The following RNF216 variants were observed in gnomAD, a reference collection of about 807,000 sequenced individuals.
RNF216 encodes E3 ubiquitin-protein ligase RNF216.
Under a neutral mutation model 110.8 loss-of-function variants are expected in RNF216, and 72 were observed. The observed-to-expected ratio is 0.65, with a 90% CI of 0.54 to 0.79. RNF216 has a LOEUF of 0.79. Ranked by LOEUF, RNF216 falls within the 30% of genes least tolerant of loss-of-function variation. The pLI is 0.00. For missense variants in RNF216, 1,342 were observed against 1,141.2 expected, an observed-to-expected ratio of 1.18 and a Z score of -2.54; for synonymous variants, 495 against 407.5, an observed-to-expected ratio of 1.21 and a Z score of -2.59.
chr7:5,741,375 C>T lies in RNF216; in HGVS notation c.642G>A (p.Glu214=). 1 of 1,614,164 alleles carries T rather than the reference C, an allele frequency of 6.2e-7. No individual in the cohort carries two copies. Among genetic ancestry groups the T allele is most frequent in the Non-Finnish European group, 8.5e-7 (1 of 1,180,016 alleles). The change falls in exon 4 of 17, where the codon GAG becomes GAA. Residue 214 remains glutamate, a synonymous_variant. Coordinates refer to ENST00000389902, the MANE Select transcript of RNF216 (RefSeq NM_207111.4). ...SETELLSNLG[E]SAALADDQAI... ...CCTGATCATCTGCTAGAGCAGCTGA[C>T]TCTCCTAGATTTGATAACAGCTCTG...
At chr7:5,706,713 C>T (rs1043467055) in intron 13 of RNF216, among the ~76,000 whole-genome samples, 3 of 152,208 alleles carry the variant, frequency 2.0e-5, no homozygotes, top group Admixed American at 2.0e-4. Flanking sequence ...CAAAGGATTT[C>T]AATTCCTTTC....
chr7:5,776,619 A>G lies in RNF216; in HGVS notation c.-70+4922T>C, dbSNP rs1477731659. On this transcript the variant is annotated intron_variant, in intron 1 of 16. Transcript: ENST00000389902. ...CAAAAAAAAAAAAAAAAAAAAGACT[A>G]TAGGGGAAGGGCAGGTAGTCAGTGA... Among the ~76,000 whole-genome samples the G allele has an allele frequency of 2.8e-5, 4 of 143,424 alleles. No individual in the cohort carries two copies. In the East Asian group the frequency reaches 8.5e-4, roughly 30 times the overall value. The allele number at this position is 143,424 out of a possible 152,430, so 94.1% of individuals were successfully genotyped here. A position where few individuals can be genotyped will look rare whatever the true frequency, so the allele number is the denominator to read the frequency against.
chr7:5,776,383 A>G (rs1796774996), intron 1 of RNF216, among the ~76,000 whole-genome samples: 1 of 151,520 alleles, frequency 6.6e-6, no homozygotes, highest in African/African-American at 2.4e-5. Flanking sequence ...GGAGACGGAG[A>G]CCATCCTGGC....
At chr7:5,765,287 C>G (rs1185034954) in intron 1 of RNF216, among the ~76,000 whole-genome samples, 1 of 151,798 alleles carries the variant, frequency 6.6e-6, no homozygotes, top group Non-Finnish European at 1.5e-5. Context: ...ACAGTGAGGA[C>G]TATCTATACT....
intron 15 of RNF216, among the ~76,000 whole-genome samples, chr7:5,626,489 G>T (rs1441350558): frequency 1.3e-5 from 2 of 151,892 alleles, no homozygotes; most frequent in African/African-American, 4.8e-5. Context: ...AAAACTGGTG[G>T]GAGGATCACT....
At chr7:5,683,234 G>A (rs1424389852) in intron 13 of RNF216, among the ~76,000 whole-genome samples, 3 of 152,054 alleles carry the variant, frequency 2.0e-5, no homozygotes, top group Non-Finnish European at 4.4e-5. Flanking sequence ...GTAGCCCTTA[G>A]CAGCTCCTGG....
rs1787198291 is a variant in RNF216, at chr7:5,633,400, AC to A, written c.2382+7753del. 4.7e-5 allele frequency among the ~76,000 whole-genome samples: 7 copies of A among 150,212 alleles called. No homozygotes were observed. In the South Asian group the frequency reaches 1.5e-3, roughly 32 times the overall value. On this transcript the variant is annotated intron_variant, in intron 15 of 16. Coordinates refer to ENST00000389902, the MANE Select transcript of RNF216 (RefSeq NM_207111.4). ...AGACCAGTCTGATCAACACGGTGAAACCCCGTCTCTACTAAAATACGAAAAT... is the reference window on the plus strand; with the variant it reads ...AGACCAGTCTGATCAACACGGTGAAACCCGTCTCTACTAAAATACGAAAAT...
At chr7:5,642,755 A>T (rs1787815633) in intron 14 of RNF216, among the ~76,000 whole-genome samples, 1 of 152,208 alleles carries the variant, frequency 6.6e-6, no homozygotes, top group Non-Finnish European at 1.5e-5. Context: ...CTGAGATTAC[A>T]AGCGTGAGCC....
intron 3 of RNF216, among the ~76,000 whole-genome samples, chr7:5,750,103 T>A (rs1795253712): frequency 6.6e-6 from 1 of 152,254 alleles, no homozygotes; most frequent in Non-Finnish European, 1.5e-5. Flanking sequence ...TATTTGCATA[T>A]CTGTCCTTTT....
chr7:5,641,261 G>C lies in RNF216; in HGVS notation c.2275C>G (p.Leu759Val). The part of the protein sequence containing the change: ...SCRCGAQMCY[L>V]CRVSINGYDH... Reference sequence around the variant, plus strand: ...TATCCATTAATAGAAACTCGACAGAGGTAGCACATCTGGGCACCACAGCGG... The same window carrying C: ...TATCCATTAATAGAAACTCGACAGACGTAGCACATCTGGGCACCACAGCGG... Residue 759 changes from leucine (L) to valine (V), a missense_variant, in exon 15 of 17, where the codon CTC becomes GTC. Leu to Val is a conservative substitution (Grantham distance 32). Coordinates refer to ENST00000389902, the MANE Select transcript of RNF216 (RefSeq NM_207111.4). 1 of 1,614,050 alleles carries C rather than the reference G, an allele frequency of 6.2e-7. No homozygotes were observed. Among genetic ancestry groups the C allele is most frequent in the Non-Finnish European group, 8.5e-7 (1 of 1,179,948 alleles).
chr7:5,753,126 A>G (rs141532178), intron 2 of RNF216, 147 bp from the exon 3 acceptor site: 1 of 681,190 alleles, frequency 1.5e-6, no homozygotes, highest in Non-Finnish European at 2.3e-6. Context: ...GCACTTAAGC[A>G]TTAAGAGCCA....
At chr7:5,718,251 C>T (rs529141820) in intron 9 of RNF216, among the ~76,000 whole-genome samples, 27 of 151,966 alleles carry the variant, frequency 1.8e-4, no homozygotes, top group African/African-American at 5.5e-4. Context: ...CATGGTGGGG[C>T]GCACCTGTAA....
chr7:5,734,755 C>G (rs554322597), intron 5 of RNF216, among the ~76,000 whole-genome samples: 1 of 151,134 alleles, frequency 6.6e-6, no homozygotes, highest in Non-Finnish European at 1.5e-5. Flanking sequence ...ACCTGGGAGG[C>G]GAAGGTTGCA....
chr7:5,707,718 G>GTTT (rs35372254), intron 13 of RNF216, among the ~76,000 whole-genome samples: 406 of 92,830 alleles, frequency 4.4e-3, no homozygotes, highest in Middle Eastern at 8.8e-3. Flanking sequence ...TGTGTGTGTG[G>GTTT]TTTTTTTTTT....
At chr7:5,714,685 T>C (rs983727687) in intron 11 of RNF216, among the ~76,000 whole-genome samples, 8 of 152,228 alleles carry the variant, frequency 5.3e-5, no homozygotes, top group African/African-American at 1.9e-4. Flanking sequence ...GAAACTCACT[T>C]TGGAGAGAGA....
chr7:5,781,176 C>T lies in RNF216; in HGVS notation c.-70+365G>A, dbSNP rs1430830088. On this transcript the variant is annotated intron_variant, in intron 1 of 16. Coordinates refer to ENST00000389902, the MANE Select transcript of RNF216 (RefSeq NM_207111.4). ...CTCCTCCAGGCCGCGCTCGGGTGCA[C>T]GGACACCGCCTCCGCGGCGGCCTCG... is the stretch of plus-strand genomic sequence containing the variant. 2.0e-5 allele frequency among the ~76,000 whole-genome samples: 3 copies of T among 152,158 alleles called. No individual in the cohort carries two copies. The East Asian group carries it at 5.8e-4, about 29-fold the overall frequency.
At chr7:5,777,341 A>G (rs1796840443) in intron 1 of RNF216, 1 of 152,262 alleles carries the variant, frequency 6.6e-6, no homozygotes, top group South Asian at 2.1e-4. Flanking sequence ...ACATCAACAG[A>G]TAACTGAAAC....
At position 5,740,990 on chromosome 7, in the gene RNF216, G is replaced by A. The variant is rs569791444; in HGVS notation, c.1027C>T (p.Leu343=). 6.2e-7 allele frequency: 1 copy of A among 1,605,282 alleles called. No homozygotes were observed. The highest frequency in any genetic ancestry group is 1.7e-5 in the Admixed American group (1 of 57,706). Residue 343 remains leucine, a synonymous_variant, in exon 4 of 17, where the codon CTA becomes TTA. Transcript: ENST00000389902. ...AAACTTACCGTTTCTTTCACTAGTA[G>A]TTCAACGAGCTCTTGATCTACCTCT... ...AAEVDQELVE[L]LVKETEARFP...
chr7:5,681,567 C>T (rs1421149524), intron 13 of RNF216, among the ~76,000 whole-genome samples: 1 of 152,204 alleles, frequency 6.6e-6, no homozygotes, highest in Admixed American at 6.5e-5. Context: ...TGTCTTCCTC[C>T]TCCTTGATTA....
Sources: allele counts gnomAD v4.1 joint callset (sites outside exome capture counted in the v4.1 genomes callset), GRCh38; gene constraint gnomAD v4.1.1; transcripts MANE v1.5; gene names NCBI Gene and HGNC (gene_info 2026-07-23, HGNC 2026-07-21).